Variants in KCP observed in about 807,000 individuals in gnomAD.
KCP encodes the protein kielin/chordin-like protein.
A neutral mutation model predicts 212.7 loss-of-function variants in KCP; 194 were observed. The observed-to-expected ratio is 0.91, with a 90% CI of 0.81 to 1.03. The LOEUF is 1.03. Among genes scored for constraint, KCP ranks in the 50% least tolerant of loss-of-function variants. The pLI is 0.00. For synonymous variants in KCP, 833 were observed against 865.3 expected, an observed-to-expected ratio of 0.96 and a Z score of 0.65; for missense variants, 2,080 against 2,162.5, an observed-to-expected ratio of 0.96 and a Z score of 0.76.
At chr7:128,894,758 C>A (rs542296383) in intron 8 of KCP, among the ~76,000 whole-genome samples, 3 of 152,134 alleles carry the variant, frequency 2.0e-5, no homozygotes, top group Non-Finnish European at 4.4e-5. Context: ...AGGCACGCAC[C>A]ACCATGCCCA....
chr7:128,887,794 C>T (rs1793766594), intron 22 of KCP, among the ~76,000 whole-genome samples: 1 of 150,204 alleles, frequency 6.7e-6, no homozygotes, highest in African/African-American at 2.5e-5. Flanking sequence ...CACGCACCCA[C>T]ATACACACAT....
At position 128,891,520 on chromosome 7, in the gene KCP, G is replaced by A. The variant is rs1002344216; in HGVS notation, c.1809C>T (p.Gly603=). The A allele has an allele frequency of 1.3e-5, 20 of 1,549,084 alleles. No individual in the cohort carries two copies. The highest frequency in any genetic ancestry group is 1.7e-4 in the Middle Eastern group (1 of 5,952). ...CCGCTCCGCTGGGGTACTCTTTCCC[G>A]CCAAAGGCACAGCCTGGGGGAGGGA... ...CPNDCSGCAF[G]GKEYPSGADF... is the part of the protein sequence containing the mutation. Residue 603 remains glycine, a synonymous_variant, in exon 18 of 40, where the codon GGC becomes GGT. Coordinates refer to ENST00000610776, the MANE Select transcript of KCP (RefSeq NM_001366122.1).
At chr7:128,890,708 G>A (rs1794052636) in intron 20 of KCP, among the ~76,000 whole-genome samples, 195 bp from the exon 21 acceptor site, 1 of 150,494 alleles carries the variant, frequency 6.6e-6, no homozygotes, top group Non-Finnish European at 1.5e-5. Context: ...GATGGGTGTC[G>A]TGGGGGGCTG....
Position 128,890,999 on chromosome 7 carries a change from G to A in KCP, c.2070C>T (p.Leu690=). Residue 690 remains leucine, a synonymous_variant, in exon 20 of 40, where the codon CTC becomes CTT. Coordinates refer to ENST00000610776, the MANE Select transcript of KCP (RefSeq NM_001366122.1). ...GGCAGGACACGGAGCCGTCGAGGCAGAGGCAGCGGCGGCAGGGATCGCCGG... is the reference window on the plus strand; with the variant it reads ...GGCAGGACACGGAGCCGTCGAGGCAAAGGCAGCGGCGGCAGGGATCGCCGG... ...SPPGDPCRRC[L]CLDGSVSCQR... The A allele has an allele frequency of 7.5e-7, 1 of 1,341,914 alleles. No individual in the cohort carries two copies. The highest frequency in any genetic ancestry group is 9.5e-7 in the Non-Finnish European group (1 of 1,052,426). The allele number at this position is 1,341,914 out of a possible 1,614,324, so 83.1% of individuals were successfully genotyped here.
intron 38 of KCP, 67 bp downstream of exon 38, chr7:128,878,491 G>A: frequency 6.8e-7 from 1 of 1,468,866 alleles, no homozygotes; most frequent in South Asian, 1.3e-5. Context: ...ATGCCAGAGG[G>A]TTGCTCTGAG....
chr7:128,886,129 G>A (rs1793631084), intron 26 of KCP, among the ~76,000 whole-genome samples: 1 of 152,196 alleles, frequency 6.6e-6, no homozygotes, highest in African/African-American at 2.4e-5. Flanking sequence ...GCACAGTGGT[G>A]CAAATGCAGC....
Position 128,894,012 on chromosome 7 carries a change from C to T in KCP, c.969G>A (p.Val323=). 1 of 1,550,238 alleles carries T rather than the reference C, an allele frequency of 6.5e-7. No individual in the cohort carries two copies. The highest frequency in any genetic ancestry group is 2.4e-5 in the East Asian group (1 of 40,896). ...AGTGCGAGCAGGGGTCCCCTGAGCC[C>T]ACAGGCTCCCCGCTGCGGTGCTCCC... The part of the protein sequence containing the change: ...NGREHRSGEP[V]GSGDPCSHCR... Residue 323 remains valine (V), a synonymous_variant, in exon 10 of 40, where the codon GTG becomes GTA. Coordinates refer to ENST00000610776, the MANE Select transcript of KCP (RefSeq NM_001366122.1).
chr7:128,884,860 C>G lies in KCP; in HGVS notation c.3044G>C (p.Cys1015Ser). Residue 1015 changes from cysteine to serine, a missense_variant, in exon 28 of 40, where the codon TGT becomes TCT. Cys to Ser is a moderately radical substitution (Grantham distance 112). Transcript: ENST00000610776. ...PHDCCPQCSD[C>S]EHEGRKYEPG... ...CTCGTACTTCCGGCCCTCATGCTCA[C>G]AGTCTTTGGGGTGGAGTGAGAGCAG... 1 of 1,550,886 alleles carries G rather than the reference C, an allele frequency of 6.4e-7. No homozygotes were observed. The highest frequency in any genetic ancestry group is 8.7e-7 in the Non-Finnish European group (1 of 1,146,966).
rs1241112976 is a variant in KCP, at chr7:128,892,779, C to T, written c.1436G>A (p.Ser479Asn). Residue 479 changes from serine to asparagine, a missense_variant, in exon 15 of 40, where the codon AGC becomes AAC. Ser to Asn is a conservative substitution (Grantham distance 46). Transcript: ENST00000610776. ...GCTGTGGTAGGTGCAGCTGTCACAG[C>T]TGGGGCAGCAGGCACCTGGGTGGGG... Reference protein sequence around the residue: ...PTQPPGACCPSCDSCTYHSQV... With the variant: ...PTQPPGACCPNCDSCTYHSQV... The T allele has an allele frequency of 5.2e-6, 8 of 1,551,568 alleles. No homozygotes were observed. The highest frequency in any genetic ancestry group is 2.4e-5 in the South Asian group (2 of 84,064).
rs1316926803 is a variant in KCP at position 128,890,906 on chromosome 7, G to C, written c.2163C>G (p.Asp721Glu). Residue 721 changes from aspartate to glutamate, a missense_variant and splice_region_variant, in exon 20 of 40, where the codon GAC (aspartate) becomes GAG (glutamate). Physicochemically the swap from Asp to Glu is conservative, Grantham distance 45. Transcript: ENST00000610776. Reference protein sequence around the residue: ...PRQGPCCPSCDGCLYQGKEFA... With the variant: ...PRQGPCCPSCEGCLYQGKEFA... ...GGAGGGGCACCGCCAGGGCGTTACC[G>C]TCGCAGGAGGGGCAGCAAGGCCCCT... 2 of 1,245,130 alleles carry C rather than the reference G, an allele frequency of 1.6e-6. No homozygotes were observed. The highest frequency in any genetic ancestry group is 2.0e-6 in the Non-Finnish European group (2 of 999,498). The allele number at this position is 1,245,130 out of a possible 1,614,324, so 77.1% of individuals were successfully genotyped here. A position where few individuals can be genotyped will look rare whatever the true frequency, so the allele number is the denominator to read the frequency against.
chr7:128,880,574 C>T, intron 33 of KCP, 45 bp downstream of exon 33: 1 of 1,364,464 alleles, frequency 7.3e-7, no homozygotes, highest in Non-Finnish European at 9.5e-7. Flanking sequence ...TCCCACATGC[C>T]CAGAAGGTCT....
chr7:128,885,229 A>G lies in KCP; in HGVS notation c.2908T>C (p.Trp970Arg), dbSNP rs1290880449. ...HGEEHPEGSR[W>R]VPPDSACSSC... ...GAGCAGGCACTGTCGGGGGGCACCCATCTACTGCCTTCGGGGTGCTCTTCC... is the reference window on the plus strand; with the variant it reads ...GAGCAGGCACTGTCGGGGGGCACCCGTCTACTGCCTTCGGGGTGCTCTTCC... The change falls in exon 27 of 40, where the codon TGG becomes CGG. Residue 970 changes from tryptophan to arginine, a missense_variant. By Grantham distance (101) the Trp-to-Arg change is moderately radical. Transcript: ENST00000610776. 6.5e-7 allele frequency: 1 copy of G among 1,550,296 alleles called. No individual in the cohort carries two copies. The highest frequency in any genetic ancestry group is 2.4e-5 in the East Asian group (1 of 40,876).
Position 128,879,768 on chromosome 7 carries a change from C to G in KCP, c.3994G>C (p.Val1332Leu), listed in dbSNP as rs997515818. 1 of 1,550,578 alleles carries G rather than the reference C, an allele frequency of 6.4e-7. No individual in the cohort carries two copies. The highest frequency in any genetic ancestry group is 8.7e-7 in the Non-Finnish European group (1 of 1,146,996). Residue 1332 changes from valine to leucine, a missense_variant, in exon 36 of 40, where the codon GTG becomes CTG. Transcript: ENST00000610776. ...CGCACGGCCATGTCTCCCAGCAGCA[C>G]CGCCACCTCCTGGGTCCAGGCCACA... ...SGVAWTQEVA[V>L]LLGDMAVRLL...
At chr7:128,894,519 G>A (rs1461565835) in intron 8 of KCP, among the ~76,000 whole-genome samples, 2 of 152,050 alleles carry the variant, frequency 1.3e-5, no homozygotes, top group Non-Finnish European at 2.9e-5. Context: ...AGGTCATACT[G>A]GAGCAGGATG....
At chr7:128,903,230 C>G (rs748711018) in intron 7 of KCP, 30 of 294,958 alleles carry the variant, frequency 1.0e-4, no homozygotes, top group Non-Finnish European at 3.8e-5. Flanking sequence ...CTGCCTTCCT[C>G]AGCCCTTCAC....
At position 128,907,133 on chromosome 7, in the gene KCP, A is replaced by T. The variant is rs1457769800; in HGVS notation, c.454T>A (p.Ser152Thr). The T allele has an allele frequency of 2.6e-6, 4 of 1,551,462 alleles. No individual in the cohort carries two copies. In the South Asian group the frequency reaches 4.8e-5, roughly 18 times the overall value. ...CGGCAGGTGGTGCAGGCATCTGGGG[A>T]GAAGGTCTCCCCGTTGCCGTAGGTC... is the stretch of plus-strand genomic sequence containing the variant. ...GQTYGNGETF[S>T]PDACTTCRCL... The change falls in exon 4 of 40, where the codon TCC becomes ACC. Residue 152 changes from serine (S) to threonine (T), a missense_variant. Coordinates refer to ENST00000610776, the MANE Select transcript of KCP (RefSeq NM_001366122.1).
At chr7:128,888,606 ACAGC>A (rs1793885093) in intron 22 of KCP, among the ~76,000 whole-genome samples, 1 of 148,356 alleles carries the variant, frequency 6.7e-6, no homozygotes, top group Admixed American at 6.7e-5. Flanking sequence ...CCACACACAC[ACAGC>A]CAGACACACA....
Position 128,886,731 on chromosome 7 carries a change from A to C in KCP, c.2696T>G (p.Leu899Arg), listed in dbSNP as rs1363665402. 7 of 1,551,236 alleles carry C rather than the reference A, an allele frequency of 4.5e-6. No individual in the cohort carries two copies. The highest frequency in any genetic ancestry group is 5.2e-6 in the Non-Finnish European group (6 of 1,146,852). The change falls in exon 25 of 40, where the codon CTC becomes CGC. Residue 899 changes from leucine to arginine, a missense_variant. By Grantham distance (102) the Leu-to-Arg change is moderately radical. Transcript: ENST00000610776. ...ATCCTGGTGCTCCCGGCCCTGAGAGAGACAGCCTGTGGGGGACACACCTCC... is the reference window on the plus strand; with the variant it reads ...ATCCTGGTGCTCCCGGCCCTGAGAGCGACAGCCTGTGGGGGACACACCTCC... ...PCFCPVCHSC[L>R]SQGREHQDGE...
chr7:128,892,428 T>C, intron 16 of KCP, 86 bp downstream of exon 16: 1 of 999,138 alleles, frequency 1.0e-6, no homozygotes. Context: ...GCCATTGCTT[T>C]CTAAGGTACC....
Sources: allele counts gnomAD v4.1 joint callset (sites outside exome capture counted in the v4.1 genomes callset), GRCh38; gene constraint gnomAD v4.1.1; transcripts MANE v1.5; gene names NCBI Gene and HGNC (gene_info 2026-07-23, HGNC 2026-07-21).